PODXL: variants seen among roughly 807,000 people sequenced by gnomAD.
PODXL encodes podocalyxin.
Under a neutral mutation model 48.9 loss-of-function variants are expected in PODXL, and 20 were observed. That is an observed-to-expected ratio of 0.41 (90% confidence interval 0.29 to 0.59). The LOEUF is 0.59. Ranked by LOEUF, PODXL falls within the 20% of genes least tolerant of loss-of-function variation. The pLI is 0.31. For synonymous variants in PODXL, 295 were observed against 287.4 expected (o/e 1.03, Z -0.27); for missense variants, 606 against 675.1 (o/e 0.90, Z 1.13).
At chr7:131,524,377 C>CAGAGAGAGAGAGAGAG (rs1451998492) in intron 1 of PODXL, among the ~76,000 whole-genome samples, 2 of 24,030 alleles carry the variant, frequency 8.3e-5, no homozygotes, top group African/African-American at 1.3e-4. Context: ...CACACACACA[C>CAGAGAGAGAGAGAGAG]ACAGAGAGAG....
At chr7:131,552,993 C>T (rs1311520632) in intron 1 of PODXL, among the ~76,000 whole-genome samples, 1 of 152,118 alleles carries the variant, frequency 6.6e-6, no homozygotes, top group African/African-American at 2.4e-5. Context: ...ACTAGGTTGC[C>T]CAGGCTGGTC....
chr7:131,517,748 CTTT>C (rs71529710), intron 1 of PODXL, among the ~76,000 whole-genome samples: 2 of 146,870 alleles, frequency 1.4e-5, no homozygotes, highest in African/African-American at 5.0e-5. Context: ...TTGCGTAACT[CTTT>C]TTTTTTTTTG....
intron 1 of PODXL, chr7:131,520,407 G>A: frequency 2.8e-6 from 1 of 353,292 alleles, no homozygotes; most frequent in Non-Finnish European, 5.4e-6. Flanking sequence ...CCAGGAAACA[G>A]AATGAGGATG....
chr7:131,541,558 C>A (rs747006538), intron 1 of PODXL, among the ~76,000 whole-genome samples: 2 of 151,756 alleles, frequency 1.3e-5, no homozygotes, highest in Non-Finnish European at 2.9e-5. Flanking sequence ...TGGTGGTGGG[C>A]GTCTCTAATC....
chr7:131,548,444 G>A (rs1312308082), intron 1 of PODXL, among the ~76,000 whole-genome samples: 1 of 152,224 alleles, frequency 6.6e-6, no homozygotes, highest in East Asian at 1.9e-4. Context: ...CACATGCTAA[G>A]TTCTGTTCAA....
At chr7:131,524,408 A>AGAGAGAGAGAGAGAGAGAGAGAGAG (rs367857912) in intron 1 of PODXL, among the ~76,000 whole-genome samples, 15 of 149,698 alleles carry the variant, frequency 1.0e-4, no homozygotes, top group South Asian at 2.2e-4. Context: ...AGAGAGAGAG[A>AGAGAGAGAGAGAGAGAGAGAGAGAG]AAACAACAAG....
chr7:131,511,363 A>G lies in PODXL; in HGVS notation c.171T>C (p.Ala57=). ...CTGTGCTCTGCTGGGCTGTATCTGT[A>G]GCCATGATGGTGACACTGGATGCTG... ...PTPASSVTIM[A]TDTAQQSTVP... Residue 57 remains alanine (A), a synonymous_variant, in exon 2 of 9, where the codon GCT becomes GCC. Coordinates refer to ENST00000378555, the MANE Select transcript of PODXL (RefSeq NM_001018111.3). 1 of 1,609,892 alleles carries G rather than the reference A, an allele frequency of 6.2e-7. No individual in the cohort carries two copies. The highest frequency in any genetic ancestry group is 8.5e-7 in the Non-Finnish European group (1 of 1,179,942).
intron 1 of PODXL, among the ~76,000 whole-genome samples, chr7:131,551,548 G>A (rs920207408): frequency 6.6e-6 from 1 of 152,206 alleles, no homozygotes; most frequent in Non-Finnish European, 1.5e-5. Flanking sequence ...CAAAGGGTGT[G>A]AAGAAGCAGC....
chr7:131,504,573 TGTAC>T, intron 8 of PODXL, 65 bp from the exon 9 acceptor site: 4 of 1,336,230 alleles, frequency 3.0e-6, no homozygotes, highest in Non-Finnish European at 4.3e-6. Flanking sequence ...ATACAGCGCA[TGTAC>T]GTACCCCTCC....
chr7:131,519,895 T>G (rs1457451349), intron 1 of PODXL, among the ~76,000 whole-genome samples: 1 of 152,038 alleles, frequency 6.6e-6, no homozygotes, highest in East Asian at 1.9e-4. Flanking sequence ...GCTAAAATTT[T>G]TGTATTTTTT....
In PODXL at chr7:131,506,308, G is replaced by A; in HGVS notation, c.1263C>T (p.Ala421=). The A allele has an allele frequency of 6.2e-7, 1 of 1,614,196 alleles. No individual in the cohort carries two copies. The highest frequency in any genetic ancestry group is 8.5e-7 in the Non-Finnish European group (1 of 1,180,008). Reference sequence around the variant, plus strand: ...CCTTCAGCCGCTCGTACACATCCTTGGCAGGGAGCTTAGCTGTGGGAGAGG... The same window carrying A: ...CCTTCAGCCGCTCGTACACATCCTTAGCAGGGAGCTTAGCTGTGGGAGAGG... The part of the protein sequence containing the change: ...KEITIHTKLP[A]KDVYERLKDK... The change falls in exon 7 of 9, where the codon GCC becomes GCT. Residue 421 remains alanine (A), a synonymous_variant. Transcript: ENST00000378555.
chr7:131,507,550 C>G (rs1172591127), intron 5 of PODXL, among the ~76,000 whole-genome samples: 1 of 152,096 alleles, frequency 6.6e-6, no homozygotes, highest in Non-Finnish European at 1.5e-5. Context: ...GATAGCTTAG[C>G]ACAGAACCCA....
intron 1 of PODXL, among the ~76,000 whole-genome samples, chr7:131,530,321 C>T (rs1798257177): frequency 6.6e-6 from 1 of 152,044 alleles, no homozygotes; most frequent in African/African-American, 2.4e-5. Flanking sequence ...GGCCAGGACT[C>T]CTCCCAGCAC....
chr7:131,507,107 C>T (rs943675221), intron 5 of PODXL, among the ~76,000 whole-genome samples: 4 of 152,232 alleles, frequency 2.6e-5, no homozygotes, highest in African/African-American at 9.6e-5. Context: ...CAACCCTACC[C>T]CACAGCCCGC....
chr7:131,543,468 T>A (rs927721680), intron 1 of PODXL, among the ~76,000 whole-genome samples: 2 of 152,088 alleles, frequency 1.3e-5, no homozygotes, highest in Non-Finnish European at 2.9e-5. Flanking sequence ...AGGCATCACA[T>A]TCCTCCGCAT....
chr7:131,528,073 A>G (rs1198150486), intron 1 of PODXL, among the ~76,000 whole-genome samples: 2 of 150,938 alleles, frequency 1.3e-5, no homozygotes, highest in Non-Finnish European at 3.0e-5. Context: ...TAATTTTTGT[A>G]TTTTTTTAGT....
At chr7:131,508,619 C>T (rs1376751428) in intron 5 of PODXL, among the ~76,000 whole-genome samples, 1 of 148,600 alleles carries the variant, frequency 6.7e-6, no homozygotes, top group East Asian at 2.0e-4. Context: ...AAAGTCACTC[C>T]CAGAGCTAGG....
chr7:131,547,270 G>A (rs1214403671), intron 1 of PODXL, among the ~76,000 whole-genome samples: 2 of 151,536 alleles, frequency 1.3e-5, no homozygotes, highest in Non-Finnish European at 2.9e-5. Context: ...CTACCCCAGA[G>A]GCTGGGGCAG....
At chr7:131,543,892 C>T (rs901250273) in intron 1 of PODXL, among the ~76,000 whole-genome samples, 18 of 152,290 alleles carry the variant, frequency 1.2e-4, no homozygotes, top group African/African-American at 4.1e-4. Flanking sequence ...TTCCCAATGG[C>T]TGAGAACATC....
Sources: gnomAD v4.1 joint callset for allele counts (sites outside exome capture counted in the v4.1 genomes callset) on GRCh38, gnomAD v4.1.1 for gene constraint, MANE v1.5 for transcripts, NCBI Gene and HGNC (gene_info 2026-07-23, HGNC 2026-07-21) for gene names.